FGGY: variants seen among roughly 807,000 people sequenced by gnomAD.
FGGY encodes FGGY carbohydrate kinase domain containing, also known as FGGY carbohydrate kinase domain-containing protein.
A neutral mutation model predicts 71.3 loss-of-function variants in FGGY; 72 were observed. The observed-to-expected ratio is 1.01, with a 90% confidence interval of 0.84 to 1.23. The LOEUF is 1.23. Among genes scored for constraint, FGGY ranks in the 50% most tolerant of loss-of-function variants. The pLI, the probability that FGGY is intolerant of heterozygous loss-of-function variation, is 0.00. For synonymous variants in FGGY, 251 were observed against 250.3 expected (o/e 1.00, Z -0.02); for missense variants, 668 against 682.3 (o/e 0.98, Z 0.23).
At chr1:59,347,944 A>G (rs1278632877) in intron 4 of FGGY, among the ~76,000 whole-genome samples, 1 of 152,226 alleles carries the variant, frequency 6.6e-6, no homozygotes, top group African/African-American at 2.4e-5. Flanking sequence ...ACAAAAGCCA[A>G]AATTGACAAA....
chr1:59,728,985 C>G (rs1361952418), intron 14 of FGGY, among the ~76,000 whole-genome samples: 2 of 152,056 alleles, frequency 1.3e-5, no homozygotes, highest in Non-Finnish European at 2.9e-5. Context: ...GCTCCATTCT[C>G]ACTTTGTTAT....
rs72915639 is a variant in FGGY at position 59,485,574 on chromosome 1, T to G, written c.671-26737T>G. Among the ~76,000 whole-genome samples the G allele has an allele frequency of 7.3e-3, 1,109 of 152,190 alleles. 11 individuals are homozygous for G. Among genetic ancestry groups the G allele is most frequent in the African/African-American group, 0.025 (1,036 of 41,452 alleles). ...TTGTTTGTATGAGTAGGAAATTTGT[T>G]TATTTGTTTTTGCTGTTGTTTTTGC... On this transcript the variant is annotated intron_variant, in intron 6 of 15. Transcript: ENST00000303721.
intron 11 of FGGY, among the ~76,000 whole-genome samples, chr1:59,643,959 A>G (rs1257160086): frequency 2.0e-5 from 3 of 152,220 alleles, no homozygotes; most frequent in South Asian, 2.1e-4. Flanking sequence ...TGCAAAACGC[A>G]TGGAGGACTA....
chr1:59,719,717 A>C (rs974465975), intron 14 of FGGY, among the ~76,000 whole-genome samples: 1 of 152,188 alleles, frequency 6.6e-6, no homozygotes, highest in African/African-American at 2.4e-5. Flanking sequence ...GTGCATGTTA[A>C]TCACTTACTA....
intron 14 of FGGY, chr1:59,755,127 A>G (rs1344147963): frequency 6.6e-6 from 1 of 152,184 alleles, no homozygotes; most frequent in African/African-American, 2.4e-5. Context: ...TTCCACATCA[A>G]TGAAAGGTTT....
At chr1:59,716,202 T>C (rs1327266602) in intron 14 of FGGY, among the ~76,000 whole-genome samples, 1 of 152,186 alleles carries the variant, frequency 6.6e-6, no homozygotes, top group Non-Finnish European at 1.5e-5. Context: ...ATCTTATATA[T>C]AATATATATG....
intron 14 of FGGY, chr1:59,699,379 G>A (rs1046138237): frequency 2.8e-5 from 28 of 985,242 alleles, no homozygotes; most frequent in Non-Finnish European, 3.4e-5. Context: ...CATATTAAAT[G>A]TACTTTTTCT....
intron 6 of FGGY, among the ~76,000 whole-genome samples, chr1:59,511,257 AC>A (rs760342529): frequency 3.3e-5 from 5 of 151,940 alleles, no homozygotes; most frequent in Non-Finnish European, 7.4e-5. Flanking sequence ...CCTCACCTCT[AC>A]CCCCAGAGGT....
At chr1:59,689,861 T>C (rs2097575195) in intron 14 of FGGY, among the ~76,000 whole-genome samples, 1 of 152,118 alleles carries the variant, frequency 6.6e-6, no homozygotes, top group Non-Finnish European at 1.5e-5. Context: ...TTCTACCAGC[T>C]CAAAATCTAC....
chr1:59,351,639 C>G (rs150761865), intron 4 of FGGY, among the ~76,000 whole-genome samples: 1 of 152,240 alleles, frequency 6.6e-6, no homozygotes, highest in Non-Finnish European at 1.5e-5. Context: ...ATTTGAATGA[C>G]TCAATAACTC....
At chr1:59,580,480 G>A (rs17119674) in intron 8 of FGGY, among the ~76,000 whole-genome samples, 22,663 of 151,942 alleles carry the variant, frequency 0.15, 2,091 homozygotes, top group South Asian at 0.3. Flanking sequence ...CTGTGACACC[G>A]CGTGAGTCAG....
At chr1:59,426,029 A>C (rs1468798036) in intron 5 of FGGY, among the ~76,000 whole-genome samples, 1 of 152,128 alleles carries the variant, frequency 6.6e-6, no homozygotes. Flanking sequence ...TTCTCTGTGC[A>C]CCACTGGAGT....
intron 4 of FGGY, among the ~76,000 whole-genome samples, chr1:59,369,134 G>A (rs1398841797): frequency 6.6e-6 from 1 of 152,248 alleles, no homozygotes; most frequent in African/African-American, 2.4e-5. Context: ...GAAAGCGCAA[G>A]GGGTCAGGGA....
intron 14 of FGGY, among the ~76,000 whole-genome samples, chr1:59,679,028 A>C (rs1461164664): frequency 2.0e-5 from 3 of 152,212 alleles, no homozygotes; most frequent in African/African-American, 7.2e-5. Flanking sequence ...CTTCAAGACC[A>C]ATACATGTAA....
intron 9 of FGGY, among the ~76,000 whole-genome samples, chr1:59,616,637 A>G (rs1381377595): frequency 6.6e-6 from 1 of 152,120 alleles, no homozygotes; most frequent in African/African-American, 2.4e-5. Context: ...ATAATAAAAA[A>G]ATAAATAAAA....
At position 59,380,798 on chromosome 1, in the gene FGGY, G is replaced by T. The variant is rs563559797; in HGVS notation, c.554+1961G>T. On this transcript the variant is annotated intron_variant, in intron 5 of 15. Transcript: ENST00000303721. ...CTGTCCAGAAGCTCTTTAGTTTAAT[G>T]AGATCCCATTTGTCAATTTTGGCTT... Among the ~76,000 whole-genome samples the T allele has an allele frequency of 4.8e-4, 72 of 151,476 alleles. 3 individuals carry two copies. The highest frequency in any genetic ancestry group is 7.1e-4 in the African/African-American group (29 of 40,890).
rs543102148 is a variant in FGGY, at chr1:59,369,122, C to T, written c.466-9627C>T. ...AAGCAGGGCGAGGCATTGCCTCACT[C>T]GGAAAGCGCAAGGGGTCAGGGAGTT... On this transcript the variant is annotated intron_variant, in intron 4 of 15. Coordinates refer to ENST00000303721, the MANE Select transcript of FGGY (RefSeq NM_018291.5). 1.8e-4 allele frequency among the ~76,000 whole-genome samples: 28 copies of T among 152,246 alleles called. No individual in the cohort carries two copies. The East Asian group carries it at 3.9e-3, about 21-fold the overall frequency.
At chr1:59,597,737 C>T (rs1384245168) in intron 8 of FGGY, among the ~76,000 whole-genome samples, 1 of 152,222 alleles carries the variant, frequency 6.6e-6, no homozygotes, top group Non-Finnish European at 1.5e-5. Flanking sequence ...CAAGGTCACA[C>T]AGCAGAGACT....
In FGGY at chr1:59,314,155, C is replaced by T. The variant is rs138484569; in HGVS notation, c.-14-7381C>T. 8.9e-3 allele frequency among the ~76,000 whole-genome samples: 1,356 copies of T among 152,134 alleles called. 18 individuals are homozygous for T. Among genetic ancestry groups the T allele is most frequent in the African/African-American group, 0.031 (1,277 of 41,496 alleles). Reference sequence around the variant, plus strand: ...TAATTTTTTGTATTTTTAGTAGAGACGGGGTTTCACCGTGTTAGCCAGGAT... The same window carrying T: ...TAATTTTTTGTATTTTTAGTAGAGATGGGGTTTCACCGTGTTAGCCAGGAT... On this transcript the variant is annotated intron_variant, in intron 1 of 15. Coordinates refer to ENST00000303721, the MANE Select transcript of FGGY (RefSeq NM_018291.5).
Sources: gnomAD v4.1 joint callset for allele counts (sites outside exome capture counted in the v4.1 genomes callset) on GRCh38, gnomAD v4.1.1 for gene constraint, MANE v1.5 for transcripts, NCBI Gene and HGNC (gene_info 2026-07-23, HGNC 2026-07-21) for gene names.